ATG7: variants seen among roughly 807,000 people sequenced by gnomAD.
ATG7 encodes ubiquitin-like modifier-activating enzyme ATG7.
ATG7 carries 70 observed loss-of-function variants against 82.4 expected under a neutral mutation model. The observed-to-expected ratio is 0.85, with a 90% CI of 0.70 to 1.04. The LOEUF is 1.04. Among genes scored for constraint, ATG7 ranks in the 50% least tolerant of loss-of-function variants. The pLI, the probability that ATG7 is intolerant of heterozygous loss-of-function variation, is 0.00. For synonymous variants in ATG7, 287 were observed against 313.0 expected, an observed-to-expected ratio of 0.92 and a Z score of 0.88; for missense variants, 792 against 864.3, an observed-to-expected ratio of 0.92 and a Z score of 1.05.
intron 20 of ATG7, among the ~76,000 whole-genome samples, chr3:11,546,570 A>G (rs2071310202): frequency 6.6e-6 from 1 of 152,244 alleles, no homozygotes; most frequent in Non-Finnish European, 1.5e-5. Context: ...TTATAAAAGA[A>G]GAACCTTAGT....
At position 11,502,390 on chromosome 3, in the gene ATG7, A is replaced by C. The variant is rs1490600915; in HGVS notation, c.2080-52421A>C. 1.7e-3 allele frequency among the ~76,000 whole-genome samples: 169 copies of C among 97,894 alleles called. 6 individuals carry two copies. Among genetic ancestry groups the C allele is most frequent in the Admixed American group, 0.016 (125 of 7,612 alleles). The allele number at this position is 97,894 out of a possible 152,430, so 64.2% of individuals were successfully genotyped here. On this transcript the variant is annotated intron_variant, in intron 20 of 20. Transcript: ENST00000693202. ...CCCTCCCCCCTCCCCCCACCCCACA[A>C]CAGTCCCCAGAGTGTGATGTTCCCC...
chr3:11,342,179 G>C lies in ATG7; in HGVS notation c.1025G>C (p.Trp342Ser). 1 of 1,613,294 alleles carries C rather than the reference G, an allele frequency of 6.2e-7. No homozygotes were observed. Among genetic ancestry groups the C allele is most frequent in the Middle Eastern group, 1.8e-4 (1 of 5,568 alleles). Residue 342 changes from tryptophan (W) to serine (S), a missense_variant, in exon 13 of 21, where the codon TGG becomes TCG. Transcript: ENST00000693202. ...GATCTAAATCTCAAACTGATGTGTTGGAGATTGGTTCCTACTTTAGACTTG... is the reference window on the plus strand; with the variant it reads ...GATCTAAATCTCAAACTGATGTGTTCGAGATTGGTTCCTACTTTAGACTTG... ...SVDLNLKLMC[W>S]RLVPTLDLDK...
At chr3:11,372,540 T>C (rs1287862423) in intron 18 of ATG7, among the ~76,000 whole-genome samples, 1 of 150,978 alleles carries the variant, frequency 6.6e-6, no homozygotes, top group Non-Finnish European at 1.5e-5. Flanking sequence ...CACATAACTA[T>C]CACTTCCACA....
chr3:11,521,441 G>A (rs77411757), intron 20 of ATG7, among the ~76,000 whole-genome samples: 1,920 of 152,248 alleles, frequency 0.013, 43 homozygotes, highest in African/African-American at 0.043. Context: ...GGGAAAAGGC[G>A]CATCGCACAG....
chr3:11,325,151 A>C (rs956578005), intron 9 of ATG7, among the ~76,000 whole-genome samples: 1 of 152,156 alleles, frequency 6.6e-6, no homozygotes, highest in Non-Finnish European at 1.5e-5. Flanking sequence ...TATACAATCT[A>C]GGTTTGTGTA....
intron 20 of ATG7, among the ~76,000 whole-genome samples, chr3:11,448,825 G>C (rs146927377): frequency 2.0e-5 from 3 of 152,280 alleles, no homozygotes; most frequent in East Asian, 1.9e-4. Flanking sequence ...GAGCCTCCTA[G>C]TGTTTTCTGT....
chr3:11,475,594 C>A (rs1574883739), intron 20 of ATG7, among the ~76,000 whole-genome samples: 1 of 152,136 alleles, frequency 6.6e-6, no homozygotes, highest in East Asian at 1.9e-4. Flanking sequence ...GCGGATGCTA[C>A]CCTCTGCAGT....
At chr3:11,471,769 A>C (rs1482286858) in intron 20 of ATG7, among the ~76,000 whole-genome samples, 3 of 96,414 alleles carry the variant, frequency 3.1e-5, no homozygotes, top group Non-Finnish European at 6.0e-5. Flanking sequence ...TTTGAAATGT[A>C]GTCTCTATCG....
Position 11,389,731 on chromosome 3 carries a change from T to C in ATG7, c.1956+9679T>C, listed in dbSNP as rs556244970. Among the ~76,000 whole-genome samples the C allele has an allele frequency of 1.5e-4, 23 of 152,306 alleles. No homozygotes were observed. The South Asian group carries it at 3.5e-3, about 23-fold the overall frequency. On this transcript the variant is annotated intron_variant, in intron 19 of 20. Transcript: ENST00000693202. ...AAAGGCAGCATCATTGGAATATATGTGCAGCCTCCCACGAGGACTACTGTG... is the reference window on the plus strand; with the variant it reads ...AAAGGCAGCATCATTGGAATATATGCGCAGCCTCCCACGAGGACTACTGTG...
chr3:11,407,330 C>T (rs1193810750), intron 19 of ATG7, among the ~76,000 whole-genome samples: 2 of 152,236 alleles, frequency 1.3e-5, no homozygotes, highest in African/African-American at 2.4e-5. Flanking sequence ...TGGTCTTGGG[C>T]AGCTCTGCCC....
chr3:11,575,641 T>C, the ATG7 span, among the ~76,000 whole-genome samples: 1 of 152,192 alleles, frequency 6.6e-6, no homozygotes, highest in Admixed American at 6.5e-5. Flanking sequence ...GACACCAGCC[T>C]TAGGAGAGAA....
In ATG7 at chr3:11,530,057, T is replaced by C. The variant is rs540999866; in HGVS notation, c.2080-24754T>C. ...TACTTGGATCAGAGGTGTCGTTGGC[T>C]TTTTTGAGGACGCCTCTCGGTCTTG... On this transcript the variant is annotated intron_variant, in intron 20 of 20. Transcript: ENST00000693202. Among the ~76,000 whole-genome samples the C allele has an allele frequency of 1.6e-4, 25 of 152,288 alleles. No individual in the cohort carries two copies. In the South Asian group the frequency reaches 5.0e-3, roughly 30 times the overall value.
At chr3:11,491,568 T>C (rs1244563080) in intron 20 of ATG7, among the ~76,000 whole-genome samples, 1 of 152,148 alleles carries the variant, frequency 6.6e-6, no homozygotes, top group Non-Finnish European at 1.5e-5. Flanking sequence ...GAGTTTCCAG[T>C]TTTTCTGCTC....
intron 20 of ATG7, among the ~76,000 whole-genome samples, chr3:11,440,674 CTTTTTTTTTTTTT>C (rs72177700): frequency 1.5e-4 from 6 of 39,492 alleles, no homozygotes; most frequent in African/African-American, 2.2e-4. Context: ...TCCCCATTTG[CTTTTTTTTTTTTT>C]TTTTTTTTTT....
chr3:11,374,521 A>G, intron 18 of ATG7, among the ~76,000 whole-genome samples: 1 of 152,238 alleles, frequency 6.6e-6, no homozygotes, highest in Non-Finnish European at 1.5e-5. Flanking sequence ...TGGATTAGAC[A>G]ATGGTTTCTT....
the ATG7 span, among the ~76,000 whole-genome samples, chr3:11,575,800 T>C: frequency 6.6e-6 from 1 of 152,166 alleles, no homozygotes; most frequent in Non-Finnish European, 1.5e-5. Context: ...TCTGAGTGAG[T>C]CTGGGGCCAA....
At chr3:11,501,904 G>A (rs1164309977) in intron 20 of ATG7, among the ~76,000 whole-genome samples, 1 of 152,100 alleles carries the variant, frequency 6.6e-6, no homozygotes, top group Admixed American at 6.5e-5. Context: ...TGGCCAGGCT[G>A]GTCTAGAACT....
chr3:11,333,987 G>T (rs1952019205), intron 11 of ATG7, among the ~76,000 whole-genome samples: 1 of 151,984 alleles, frequency 6.6e-6, no homozygotes, highest in African/African-American at 2.4e-5. Flanking sequence ...CTGACCTTGT[G>T]ATCCGCCCAC....
At position 11,557,162 on chromosome 3, in the gene ATG7, G is replaced by C. The variant is rs1575331209; in HGVS notation, c.*2319G>C. The C allele has an allele frequency of 2.0e-5, 3 of 152,682 alleles. No homozygotes were observed. Among genetic ancestry groups the C allele is most frequent in the Admixed American group, 1.3e-4 (2 of 15,276 alleles). The allele number at this position is 152,682 out of a possible 1,614,324, so 9.5% of individuals were successfully genotyped here. A position where few individuals can be genotyped will look rare whatever the true frequency, so the allele number is the denominator to read the frequency against. On this transcript the variant is annotated 3_prime_UTR_variant, in exon 21 of 21. Transcript: ENST00000693202. Reference sequence around the variant, plus strand: ...ATAGAAACGCTCATTGACCAAAAAGGAGCAGCTGTGACCTCCACAGCTGTG... The same window carrying C: ...ATAGAAACGCTCATTGACCAAAAAGCAGCAGCTGTGACCTCCACAGCTGTG...
Sources: gnomAD v4.1 joint callset for allele counts (sites outside exome capture counted in the v4.1 genomes callset) on GRCh38, gnomAD v4.1.1 for gene constraint, MANE v1.5 for transcripts, NCBI Gene and HGNC (gene_info 2026-07-23, HGNC 2026-07-21) for gene names.